Variants in ZNF655 observed in about 807,000 individuals in gnomAD.
The protein encoded by ZNF655 is zinc finger protein 655.
In ZNF655, 3 loss-of-function variants were observed where a neutral mutation model predicts 6.6. The ratio of observed to expected loss-of-function variants is 0.46; its 90% CI spans 0.21 to 1.18. The LOEUF (loss-of-function observed/expected upper bound fraction) is 1.18, where lower values mean the gene tolerates loss of function less well. Among genes scored for constraint, ZNF655 ranks in the 50% most tolerant of loss-of-function variants. The probability of loss-of-function intolerance (pLI) is 0.24; values close to 1 mark genes in which losing one functional copy is unlikely to be tolerated. For missense variants in ZNF655, 526 were observed against 572.3 expected (o/e 0.92, Z 0.83); for synonymous variants, 178 against 195.0 (o/e 0.91, Z 0.73).
At chr7:99,559,286 C>G (rs1802882024) in intron 1 of ZNF655, among the ~76,000 whole-genome samples, 2 of 152,248 alleles carry the variant, frequency 1.3e-5, no homozygotes, top group African/African-American at 2.4e-5. Context: ...AGCGAAGGGC[C>G]TGACCCCAAA....
In ZNF655 at chr7:99,573,635, C is replaced by T. The variant is rs748412091; in HGVS notation, c.*51C>T. 6 of 1,556,396 alleles carry T rather than the reference C, an allele frequency of 3.9e-6. No individual in the cohort carries two copies. The highest frequency in any genetic ancestry group is 5.2e-6 in the Non-Finnish European group (6 of 1,158,814). On this transcript the variant is annotated 3_prime_UTR_variant, in exon 3 of 3. Transcript: ENST00000252713. ...ATCAAATTCAGGCTTCATTCAGCAT[C>T]TGAGAGTTCACACCAGGGAGAAATC...
intron 2 of ZNF655, chr7:99,563,941 C>G (rs780411309): frequency 6.2e-7 from 1 of 1,613,918 alleles, no homozygotes; most frequent in Non-Finnish European, 8.5e-7. Context: ...CAGGCAAGTG[C>G]TTTCTCTGGA....
rs371601575 is a variant in ZNF655 at position 99,562,454 on chromosome 7, A to G, written c.136+1759A>G. 7 of 1,613,988 alleles carry G rather than the reference A, an allele frequency of 4.3e-6. No homozygotes were observed. The African/African-American group carries it at 5.3e-5, about 12-fold the overall frequency. On this transcript the variant is annotated intron_variant, in intron 2 of 2. Coordinates refer to ENST00000252713, the MANE Select transcript of ZNF655 (RefSeq NM_138494.3). ...ACCCTGTTCAGAGGGACCTCTACAG[A>G]GAAGTGATGTTAGAGAATTATGGGA... is the stretch of plus-strand genomic sequence containing the variant.
intron 2 of ZNF655, chr7:99,564,188 A>T: frequency 7.1e-7 from 1 of 1,404,516 alleles, no homozygotes. Flanking sequence ...TTGCAACCAG[A>T]TATGTTTTGA....
At position 99,574,416 on chromosome 7, in the gene ZNF655, TAAA is replaced by T. The variant is rs1374507037; in HGVS notation, c.*835_*837del. The T allele has an allele frequency of 6.6e-6, 1 of 152,118 alleles. No individual in the cohort carries two copies. Among genetic ancestry groups the T allele is most frequent in the Non-Finnish European group, 1.5e-5 (1 of 68,030 alleles). The allele number at this position is 152,118 out of a possible 1,614,324, so 9.4% of individuals were successfully genotyped here. ...TACTTTTTTATTATAATTTTGATAT[TAAA>T]AAGAACAGAGATGGGGTCTTGCTTT... On this transcript the variant is annotated 3_prime_UTR_variant, in exon 3 of 3. Coordinates refer to ENST00000252713, the MANE Select transcript of ZNF655 (RefSeq NM_138494.3).
intron 2 of ZNF655, among the ~76,000 whole-genome samples, chr7:99,569,852 A>G (rs563156307): frequency 1.4e-3 from 219 of 152,290 alleles, no homozygotes; most frequent in African/African-American, 5.1e-3. Context: ...TTTTTGTTAC[A>G]TGGATGAATT....
In ZNF655 at chr7:99,573,038, A is replaced by C; in HGVS notation, c.930A>C (p.Arg310Ser). 3 of 1,614,156 alleles carry C rather than the reference A, an allele frequency of 1.9e-6. No homozygotes were observed. The highest frequency in any genetic ancestry group is 2.5e-6 in the Non-Finnish European group (3 of 1,180,008). Residue 310 changes from arginine (R) to serine (S), a missense_variant, in exon 3 of 3, where the codon AGA becomes AGC. Transcript: ENST00000252713. ...CTTACAAATGTAGCAGTTGTGAAAG[A>C]GTCTTCAGTCGTAGTGTCCACCTTA... Reference protein sequence around the residue: ...AKSYKCSSCERVFSRSVHLTQ... With the variant: ...AKSYKCSSCESVFSRSVHLTQ...
Position 99,572,609 on chromosome 7 carries a change from C to T in ZNF655, c.501C>T (p.Asn167=). The T allele has an allele frequency of 6.2e-7, 1 of 1,613,566 alleles. No homozygotes were observed. The highest frequency in any genetic ancestry group is 8.5e-7 in the Non-Finnish European group (1 of 1,179,854). Reference sequence around the variant, plus strand: ...ATGATAAGTATGACATGAGCTTCAACCAGAATTCAGCCTCTGGTAAACATG... The same window carrying T: ...ATGATAAGTATGACATGAGCTTCAATCAGAATTCAGCCTCTGGTAAACATG... ...DDNDKYDMSF[N]QNSASGKHEH... is the part of the protein sequence containing the mutation. Residue 167 remains asparagine (N), a synonymous_variant, in exon 3 of 3, where the codon AAC becomes AAT. Coordinates refer to ENST00000252713, the MANE Select transcript of ZNF655 (RefSeq NM_138494.3).
chr7:99,567,487 G>A (rs535857817), intron 2 of ZNF655, among the ~76,000 whole-genome samples: 6 of 151,346 alleles, frequency 4.0e-5, no homozygotes, highest in East Asian at 2.0e-4. Flanking sequence ...AGCCGAGATC[G>A]TGCCATTGCA....
intron 2 of ZNF655, chr7:99,562,475 T>G (rs764071815): frequency 6.2e-7 from 1 of 1,613,650 alleles, no homozygotes; most frequent in South Asian, 1.1e-5. Flanking sequence ...TAGAGAATTA[T>G]GGGAACGTGG....
rs889144919 is a variant in ZNF655, at chr7:99,560,436, A to G, written c.-27-97A>G. 11 of 1,202,630 alleles carry G rather than the reference A, an allele frequency of 9.1e-6. No individual in the cohort carries two copies. The East Asian group carries it at 2.2e-4, about 24-fold the overall frequency. 74.5% of individuals were successfully genotyped at this position (1,202,630 alleles called of 1,614,324 possible). ...CATTATCAACTAATTTTTATTGAAT[A>G]TCCATAGTGTGTAAGATCCTTTGCA... On this transcript the variant is annotated intron_variant, in intron 1 of 2. Transcript: ENST00000252713.
intron 2 of ZNF655, chr7:99,571,834 G>A (rs773418043): frequency 3.5e-6 from 5 of 1,420,554 alleles, no homozygotes; most frequent in South Asian, 1.3e-5. Flanking sequence ...GGGAAGTAAA[G>A]TTCAATTGTT....
rs530167890 is a variant in ZNF655 at position 99,573,982 on chromosome 7, C to T, written c.*398C>T. The T allele has an allele frequency of 1.6e-5, 3 of 190,460 alleles. No homozygotes were observed. The South Asian group carries it at 3.5e-4, about 22-fold the overall frequency. 11.8% of individuals were successfully genotyped at this position (190,460 alleles called of 1,614,324 possible). A position where few individuals can be genotyped will look rare whatever the true frequency, so the allele number is the denominator to read the frequency against. On this transcript the variant is annotated 3_prime_UTR_variant, in exon 3 of 3. Transcript: ENST00000252713. ...ACCTTGTTTAGTATCAAATTCACGC[C>T]ATGCAAAAAGATTATAAATGTAATA... is the stretch of plus-strand genomic sequence containing the variant.
chr7:99,569,031 C>T (rs550925175), intron 2 of ZNF655, among the ~76,000 whole-genome samples: 13 of 150,652 alleles, frequency 8.6e-5, no homozygotes, highest in African/African-American at 4.9e-5. Flanking sequence ...GTGATCTGTC[C>T]GTCATGGCCT....
intron 2 of ZNF655, chr7:99,571,632 G>A: frequency 2.3e-6 from 3 of 1,316,864 alleles, no homozygotes; most frequent in Non-Finnish European, 3.2e-6. Context: ...AGAAAAAGTG[G>A]CAGATGTAGG....
chr7:99,559,712 C>G (rs1802936155), intron 1 of ZNF655, among the ~76,000 whole-genome samples: 1 of 151,948 alleles, frequency 6.6e-6, no homozygotes, highest in Admixed American at 6.6e-5. Flanking sequence ...ACTGCAGCCT[C>G]TACCTCCCAA....
chr7:99,559,685 TGGC>T lies in ZNF655; in HGVS notation c.-27-846_-27-844del. On this transcript the variant is annotated intron_variant, in intron 1 of 2. Transcript: ENST00000252713. ...CGCTGTCATACAGGCTGGAATGCAG[TGGC>T]GCAGTCATAGCTCACTGCAGCCTCT... 2.6e-5 allele frequency among the ~76,000 whole-genome samples: 4 copies of T among 152,130 alleles called. No individual in the cohort carries two copies. In the South Asian group the frequency reaches 8.3e-4, roughly 31 times the overall value.
intron 2 of ZNF655, chr7:99,563,952 G>A (rs1803425645): frequency 6.2e-7 from 1 of 1,613,832 alleles, no homozygotes; most frequent in African/African-American, 1.3e-5. Flanking sequence ...TTTCTCTGGA[G>A]AAACACTTGC....
intron 2 of ZNF655, among the ~76,000 whole-genome samples, chr7:99,565,317 C>T (rs1479150266): frequency 2.0e-5 from 3 of 152,040 alleles, no homozygotes; most frequent in African/African-American, 7.2e-5. Flanking sequence ...TACAGATGCT[C>T]GCCACCATGC....
Sources: allele counts gnomAD v4.1 joint callset (sites outside exome capture counted in the v4.1 genomes callset), GRCh38; gene constraint gnomAD v4.1.1; transcripts MANE v1.5; gene names NCBI Gene and HGNC (gene_info 2026-07-23, HGNC 2026-07-21).